The following UNC5B variants were observed in gnomAD, a reference collection of about 807,000 sequenced individuals.
UNC5B encodes the protein netrin receptor UNC5B.
Under a neutral mutation model 103.7 loss-of-function variants are expected in UNC5B, and 56 were observed. That is an observed-to-expected ratio of 0.54 (90% CI 0.44 to 0.67). The LOEUF is 0.67. Ranked by LOEUF, UNC5B falls within the 30% of genes least tolerant of loss-of-function variation. UNC5B has a pLI of 0.00. For synonymous variants in UNC5B, 577 were observed against 542.0 expected, an observed-to-expected ratio of 1.06 and a Z score of -0.90; for missense variants, 1,194 against 1,284.5, an observed-to-expected ratio of 0.93 and a Z score of 1.08.
At chr10:71,242,147 C>T (rs988680989) in intron 1 of UNC5B, among the ~76,000 whole-genome samples, 19 of 152,194 alleles carry the variant, frequency 1.2e-4, no homozygotes, top group African/African-American at 4.1e-4. Context: ...GTGGCATTCC[C>T]TCACAGTCTG....
At chr10:71,284,407 G>A (rs1186329549) in intron 2 of UNC5B, among the ~76,000 whole-genome samples, 1 of 152,218 alleles carries the variant, frequency 6.6e-6, no homozygotes, top group Non-Finnish European at 1.5e-5. Context: ...CTACCCGCCT[G>A]CAGGCCACTG....
In UNC5B at chr10:71,249,878, A is replaced by C. The variant is rs566362428; in HGVS notation, c.80-29943A>C. Among the ~76,000 whole-genome samples, 31 of 152,304 alleles carry C rather than the reference A, an allele frequency of 2.0e-4. 1 individual carries two copies. In the East Asian group the frequency reaches 4.8e-3, roughly 24 times the overall value. On this transcript the variant is annotated intron_variant, in intron 1 of 16. Coordinates refer to ENST00000335350, the MANE Select transcript of UNC5B (RefSeq NM_170744.5). ...ATCCCAGTGCCATGAGGGCTTTTGGAGCCCAGATTTCCCTCTTCCCACTCC... is the reference window on the plus strand; with the variant it reads ...ATCCCAGTGCCATGAGGGCTTTTGGCGCCCAGATTTCCCTCTTCCCACTCC...
chr10:71,216,497 C>T (rs1843331807), intron 1 of UNC5B, among the ~76,000 whole-genome samples: 1 of 152,206 alleles, frequency 6.6e-6, no homozygotes, highest in East Asian at 1.9e-4. Context: ...GAGCAACTGC[C>T]CTGACCTGGG....
chr10:71,244,688 C>T (rs971195875), intron 1 of UNC5B, among the ~76,000 whole-genome samples: 7 of 152,226 alleles, frequency 4.6e-5, no homozygotes, highest in African/African-American at 9.7e-5. Context: ...GGAGGGAAGG[C>T]GGATCCTGAG....
In UNC5B at chr10:71,259,192, C is replaced by T. The variant is rs571305243; in HGVS notation, c.80-20629C>T. Among the ~76,000 whole-genome samples, 19 of 152,284 alleles carry T rather than the reference C, an allele frequency of 1.2e-4. 1 individual carries two copies. The South Asian group carries it at 3.7e-3, about 30-fold the overall frequency. On this transcript the variant is annotated intron_variant, in intron 1 of 16. Coordinates refer to ENST00000335350, the MANE Select transcript of UNC5B (RefSeq NM_170744.5). ...ATTGCCTGAGGTCAGGAGTTCAAGA[C>T]CAGCCTGGCCAACATGGCAAAACCC... is the stretch of plus-strand genomic sequence containing the variant.
At chr10:71,269,568 C>T (rs990416029) in intron 1 of UNC5B, among the ~76,000 whole-genome samples, 24 of 152,202 alleles carry the variant, frequency 1.6e-4, no homozygotes, top group African/African-American at 3.9e-4. Flanking sequence ...CCCTCCTACC[C>T]GCTCCTGCTG....
intron 6 of UNC5B, 95 bp downstream of exon 6, chr10:71,287,860 T>G: frequency 3.3e-6 from 5 of 1,493,860 alleles, no homozygotes; most frequent in Middle Eastern, 3.5e-4. Flanking sequence ...CTCCCCAGCA[T>G]GGGGAGCAGA....
rs143616986 is a variant in UNC5B at position 71,280,030 on chromosome 10, C to T, written c.289C>T (p.Leu97=). The change falls in exon 2 of 17, where the codon CTG becomes TTG. Residue 97 remains leucine (L), a synonymous_variant. Coordinates refer to ENST00000335350, the MANE Select transcript of UNC5B (RefSeq NM_170744.5). ...GAACGACCACGTCACACAGGAAGGC[C>T]TGGATGAGGCCACCGGTGAGCCCGC... is the stretch of plus-strand genomic sequence containing the variant. ...SQNDHVTQEG[L]DEATGLRVRE... is the part of the protein sequence containing the mutation. 6.2e-7 allele frequency: 1 copy of T among 1,613,766 alleles called. No individual in the cohort carries two copies. Among genetic ancestry groups the T allele is most frequent in the African/African-American group, 1.3e-5 (1 of 74,950 alleles).
At chr10:71,226,433 G>A (rs1188405659) in intron 1 of UNC5B, among the ~76,000 whole-genome samples, 4 of 152,178 alleles carry the variant, frequency 2.6e-5, no homozygotes, top group African/African-American at 4.8e-5. Context: ...TATCATTAGG[G>A]TCTTTGGAAT....
intron 1 of UNC5B, among the ~76,000 whole-genome samples, chr10:71,265,897 T>C (rs563500563): frequency 6.6e-6 from 1 of 152,160 alleles, no homozygotes; most frequent in Non-Finnish European, 1.5e-5. Context: ...CCACACTTTC[T>C]TTCACACCTC....
intron 15 of UNC5B, among the ~76,000 whole-genome samples, chr10:71,297,232 C>T (rs185173769): frequency 6.6e-6 from 1 of 152,302 alleles, no homozygotes; most frequent in East Asian, 1.9e-4. Context: ...GTGCCATTCA[C>T]ATGCTTGGCA....
rs377313150 is a variant in UNC5B at position 71,295,911 on chromosome 10, A to G, written c.2276A>G (p.His759Arg). Reference sequence around the variant, plus strand: ...TACCACAACCTGCGCCTCTCCCTCCATGACCTCCCCCATGCCCATTGGAGG... The same window carrying G: ...TACCACAACCTGCGCCTCTCCCTCCGTGACCTCCCCCATGCCCATTGGAGG... ...DSYHNLRLSLHDLPHAHWRSK... is the reference protein window; with the variant it reads ...DSYHNLRLSLRDLPHAHWRSK... Residue 759 changes from histidine (H) to arginine (R), a missense_variant, in exon 14 of 17, where the codon CAT (histidine) becomes CGT (arginine). Coordinates refer to ENST00000335350, the MANE Select transcript of UNC5B (RefSeq NM_170744.5). 18 of 1,613,164 alleles carry G rather than the reference A, an allele frequency of 1.1e-5. No homozygotes were observed. Among genetic ancestry groups the G allele is most frequent in the Non-Finnish European group, 1.5e-5 (18 of 1,180,018 alleles).
rs1413728025 is a variant in UNC5B, at chr10:71,213,399, G to A, written c.79+335G>A. Among the ~76,000 whole-genome samples the A allele has an allele frequency of 2.0e-5, 3 of 152,174 alleles. No individual in the cohort carries two copies. The highest frequency in any genetic ancestry group is 4.4e-5 in the Non-Finnish European group (3 of 68,030). ...GGACGCCCGGCTCTCCGCGCGCCTG[G>A]CATCCGCCCCGAAAAAGAACATTGG... On this transcript the variant is annotated intron_variant, in intron 1 of 16. Transcript: ENST00000335350. The surrounding 1 kb of genome is among the most constrained non-coding windows in gnomAD (Gnocchi z 4.1).
rs533838225 is a variant in UNC5B at position 71,290,939 on chromosome 10, C to T, written c.1124C>T (p.Ala375Val). Residue 375 changes from alanine (A) to valine (V), a missense_variant, in exon 9 of 17, where the codon GCG becomes GTG. By Grantham distance (64) the Ala-to-Val change is moderately conservative (BLOSUM62 0). Coordinates refer to ENST00000335350, the MANE Select transcript of UNC5B (RefSeq NM_170744.5). ...GTGCTGGAGGCCTCAGGGGATGCGG[C>T]GCTGTATGCGGGGCTCGTGGTGGCC... Reference protein sequence around the residue: ...SHLLEASGDAALYAGLVVAIF... With the variant: ...SHLLEASGDAVLYAGLVVAIF... 184 of 1,613,302 alleles carry T rather than the reference C, an allele frequency of 1.1e-4. 1 individual carries two copies. The South Asian group carries it at 1.9e-3, about 16-fold the overall frequency.
intron 11 of UNC5B, 26 bp downstream of exon 11, chr10:71,292,580 C>A (rs777441725): frequency 4.1e-5 from 65 of 1,570,208 alleles, no homozygotes; most frequent in Non-Finnish European, 5.3e-5. Context: ...GCCGCTGCTC[C>A]TTTTTCTTCC....
At position 71,253,464 on chromosome 10, in the gene UNC5B, C is replaced by T. The variant is rs534930017; in HGVS notation, c.80-26357C>T. The stretch of plus-strand genomic sequence containing the variant: ...TCCTCGTCCATTGCCCTGGAAATAC[C>T]TGTAGCAGGTGGGCAGGCTGGCAGG... On this transcript the variant is annotated intron_variant, in intron 1 of 16. Transcript: ENST00000335350. 3.3e-5 allele frequency among the ~76,000 whole-genome samples: 5 copies of T among 152,320 alleles called. No homozygotes were observed. The South Asian group carries it at 1.0e-3, about 32-fold the overall frequency.
At chr10:71,228,807 C>A (rs1291532828) in intron 1 of UNC5B, among the ~76,000 whole-genome samples, 4 of 152,192 alleles carry the variant, frequency 2.6e-5, no homozygotes, top group African/African-American at 9.7e-5. Context: ...TCAGTCCTTG[C>A]GATGGCTCTG....
rs1279381909 is a variant in UNC5B, at chr10:71,297,969, C to A, written c.2551C>A (p.Leu851Met). 2 of 1,614,038 alleles carry A rather than the reference C, an allele frequency of 1.2e-6. No individual in the cohort carries two copies. Among genetic ancestry groups the A allele is most frequent in the Non-Finnish European group, 1.7e-6 (2 of 1,180,000 alleles). Residue 851 changes from leucine (L) to methionine (M), a missense_variant, in exon 16 of 17, where the codon CTG becomes ATG. Transcript: ENST00000335350. ...CCCTGGCAGCACTGTCACCACCCAG[C>A]TGGGACCTTATGCCTTCAAGATCCC... ...SAPGSTVTTQLGPYAFKIPLS... is the reference protein window; with the variant it reads ...SAPGSTVTTQMGPYAFKIPLS...
chr10:71,290,214 T>C (rs74147813), intron 8 of UNC5B, among the ~76,000 whole-genome samples: 12,990 of 152,306 alleles, frequency 0.085, 783 homozygotes, highest in African/African-American at 0.16. Flanking sequence ...TAGGATTTTC[T>C]ACCACTGTAG....
Sources: allele counts gnomAD v4.1 joint callset (sites outside exome capture counted in the v4.1 genomes callset), GRCh38; gene constraint gnomAD v4.1.1; non-coding constraint Gnocchi (gnomAD v3.1); transcripts MANE v1.5; gene names NCBI Gene and HGNC (gene_info 2026-07-23, HGNC 2026-07-21).